COL18A1: variants seen among roughly 807,000 people sequenced by gnomAD.
The protein encoded by COL18A1 is collagen alpha-1(XVIII) chain.
In COL18A1, 133 loss-of-function variants were observed where a neutral mutation model predicts 168.0. The ratio of observed to expected loss-of-function variants is 0.79; its 90% CI spans 0.69 to 0.91. The LOEUF (loss-of-function observed/expected upper bound fraction) is 0.91, where lower values mean the gene tolerates loss of function less well. Among genes scored for constraint, COL18A1 ranks in the 40% least tolerant of loss-of-function variants. The pLI is 0.00. For synonymous variants in COL18A1, 949 were observed against 809.0 expected (o/e 1.17, Z -2.94); for missense variants, 2,126 against 1,925.4 (o/e 1.10, Z -1.95).
At chr21:45,509,716 G>A (rs1275130323) in intron 39 of COL18A1, 115 bp downstream of exon 39, 1 of 745,322 alleles carries the variant, frequency 1.3e-6, no homozygotes, top group African/African-American at 1.7e-5. Context: ...CCATGGGTGG[G>A]GGTCTGGCGG....
chr21:45,472,077 G>T (rs562038943), intron 3 of COL18A1, among the ~76,000 whole-genome samples: 7 of 152,238 alleles, frequency 4.6e-5, no homozygotes, highest in East Asian at 1.9e-4. Context: ...GGCCACCTGT[G>T]GGGGGGTCAG....
At chr21:45,454,627 T>G (rs1198534416) in intron 2 of COL18A1, among the ~76,000 whole-genome samples, 5 of 152,106 alleles carry the variant, frequency 3.3e-5, no homozygotes, top group Non-Finnish European at 5.9e-5. Flanking sequence ...TCTTCATCTG[T>G]GAAATGGGCC....
At chr21:45,450,633 C>T (rs73240315) in intron 2 of COL18A1, among the ~76,000 whole-genome samples, 48 of 152,318 alleles carry the variant, frequency 3.2e-4, no homozygotes, top group Non-Finnish European at 6.0e-4. Context: ...AACCCTGGCT[C>T]GGGGCAGGGC....
At chr21:45,410,104 G>A (rs1024620751) in intron 2 of COL18A1, 1 of 152,228 alleles carries the variant, frequency 6.6e-6, no homozygotes, top group Non-Finnish European at 1.5e-5. Flanking sequence ...CCTTCCCCCC[G>A]CAGCTCCTCC....
chr21:45,419,387 G>A (rs2033552077), intron 2 of COL18A1, among the ~76,000 whole-genome samples: 1 of 152,214 alleles, frequency 6.6e-6, no homozygotes, highest in South Asian at 2.1e-4. Flanking sequence ...TGCCGTGTGT[G>A]GTGACACTTA....
At chr21:45,497,749 G>A (rs2146016087) in intron 32 of COL18A1, 88 bp downstream of exon 32, 1 of 1,527,222 alleles carries the variant, frequency 6.5e-7, no homozygotes, top group Admixed American at 2.0e-5. Context: ...ACCACAAGCA[G>A]GTCCTGGACC....
At chr21:45,510,011 G>C in intron 39 of COL18A1, 53 bp from the exon 40 acceptor site, 1 of 1,526,420 alleles carries the variant, frequency 6.6e-7, no homozygotes, top group Non-Finnish European at 8.8e-7. Context: ...CCCGGGGCCT[G>C]GGTGCAGGGG....
chr21:45,439,152 C>T (rs2034298883), intron 2 of COL18A1, among the ~76,000 whole-genome samples: 2 of 152,234 alleles, frequency 1.3e-5, no homozygotes, highest in Admixed American at 6.5e-5. Context: ...TCGAGAAAAC[C>T]TATCTGTTGC....
intron 14 of COL18A1, chr21:45,482,402 C>A (rs1465240971): frequency 3.2e-6 from 2 of 617,416 alleles, no homozygotes; most frequent in Non-Finnish European, 6.0e-6. Flanking sequence ...TGCGTCTGGC[C>A]CCCTGGGGAG....
chr21:45,477,600 T>C (rs2035723697), intron 7 of COL18A1, 113 bp downstream of exon 7: 3 of 1,292,486 alleles, frequency 2.3e-6, no homozygotes, highest in Non-Finnish European at 3.3e-6. Flanking sequence ...GCCTCCTTTG[T>C]GCCCAGCACT....
At chr21:45,500,320 T>G (rs1345725645) in intron 32 of COL18A1, among the ~76,000 whole-genome samples, 143 of 30,650 alleles carry the variant, frequency 4.7e-3, no homozygotes, top group South Asian at 6.0e-3. Context: ...GTAGTGGGGG[T>G]GTGAGGGGTG....
rs528278934 is a variant in COL18A1, at chr21:45,445,691, A to T, written c.107-22551A>T. On this transcript the variant is annotated intron_variant, in intron 2 of 41. Coordinates refer to ENST00000651438, the MANE Select transcript of COL18A1 (RefSeq NM_001379500.1). ...TCTTGTGGTTTTCATTTGCATTTTCATGATGACTGATAATGTTGAACATCT... is the reference window on the plus strand; with the variant it reads ...TCTTGTGGTTTTCATTTGCATTTTCTTGATGACTGATAATGTTGAACATCT... 2.0e-5 allele frequency among the ~76,000 whole-genome samples: 3 copies of T among 152,270 alleles called. No individual in the cohort carries two copies. In the South Asian group the frequency reaches 6.2e-4, roughly 32 times the overall value.
chr21:45,491,300 G>A lies in COL18A1; in HGVS notation c.2143G>A (p.Val715Met), dbSNP rs372801767. ...CGGACCCCCGGGACCTGTGGTCTACGTGTCGGAGCAGGACGTAAGGACGCT... is the reference window on the plus strand; with the variant it reads ...CGGACCCCCGGGACCTGTGGTCTACATGTCGGAGCAGGACGTAAGGACGCT... The part of the protein sequence containing the change: ...PPGPPGPVVY[V>M]SEQDGSVLSV... The change falls in exon 22 of 42, where the codon GTG becomes ATG. Residue 715 changes from valine to methionine, a missense_variant. Physicochemically the swap from Val to Met is conservative, Grantham distance 21. Transcript: ENST00000651438. 58 of 1,611,730 alleles carry A rather than the reference G, an allele frequency of 3.6e-5. 1 individual carries two copies. Among genetic ancestry groups the A allele is most frequent in the South Asian group, 8.8e-5 (8 of 91,032 alleles).
In COL18A1 at chr21:45,510,555, C is replaced by T. The variant is rs2037520965; in HGVS notation, c.3693+294C>T. ...GTGCCCCTCAGAGGGTCCCATGCTG[C>T]TGGACCAAGTGTCCACACAGGTGAT... On this transcript the variant is annotated intron_variant, in intron 40 of 41. Coordinates refer to ENST00000651438, the MANE Select transcript of COL18A1 (RefSeq NM_001379500.1). Among the ~76,000 whole-genome samples the T allele has an allele frequency of 2.0e-5, 3 of 151,956 alleles. No homozygotes were observed. In the South Asian group the frequency reaches 6.2e-4, roughly 32 times the overall value.
chr21:45,435,819 G>A (rs768998710), intron 2 of COL18A1, among the ~76,000 whole-genome samples: 5 of 152,136 alleles, frequency 3.3e-5, no homozygotes, highest in Admixed American at 1.3e-4. Flanking sequence ...GGAGGGTGTC[G>A]GCCTCCTCTG....
intron 38 of COL18A1, among the ~76,000 whole-genome samples, chr21:45,508,010 T>A (rs1602635459): frequency 6.7e-6 from 1 of 150,360 alleles, no homozygotes; most frequent in South Asian, 2.1e-4. Flanking sequence ...GATGGATGGA[T>A]GGGTGGATGG....
intron 2 of COL18A1, chr21:45,455,936 A>T (rs1197112491): frequency 6.2e-7 from 1 of 1,612,958 alleles, no homozygotes; most frequent in Non-Finnish European, 8.5e-7. Flanking sequence ...CCCCACTGAG[A>T]GCTTGGCCAG....
intron 2 of COL18A1, among the ~76,000 whole-genome samples, chr21:45,467,993 C>G (rs1456388421): frequency 6.6e-6 from 1 of 152,206 alleles, no homozygotes; most frequent in Non-Finnish European, 1.5e-5. Flanking sequence ...CACCATGTCT[C>G]CTGCAGACAC....
intron 32 of COL18A1, chr21:45,502,459 C>CAACA (rs780704886): frequency 1.3e-5 from 2 of 152,166 alleles, no homozygotes. Flanking sequence ...ATTTAAAGAA[C>CAACA]AACAAACAGT....
Sources: gnomAD v4.1 joint callset for allele counts (sites outside exome capture counted in the v4.1 genomes callset) on GRCh38, gnomAD v4.1.1 for gene constraint, MANE v1.5 for transcripts, NCBI Gene and HGNC (gene_info 2026-07-23, HGNC 2026-07-21) for gene names.